Variants in TSHZ3 observed in about 807,000 individuals in gnomAD.
The protein encoded by TSHZ3 is teashirt zinc finger homeobox 3.
Under a neutral mutation model 64.5 loss-of-function variants are expected in TSHZ3, and 10 were observed. That is an observed-to-expected ratio of 0.16 (90% CI 0.10 to 0.26). TSHZ3 has a LOEUF of 0.26. Ranked by LOEUF, TSHZ3 falls within the 10% of genes least tolerant of loss-of-function variation. The probability of loss-of-function intolerance (pLI) is 1.00; values close to 1 mark genes in which losing one functional copy is unlikely to be tolerated. For synonymous variants in TSHZ3, 608 were observed against 593.1 expected (o/e 1.03, Z -0.36); for missense variants, 1,242 against 1,421.7 (o/e 0.87, Z 2.03).
At chr19:31,345,166 T>C (rs1917550501) in intron 1 of TSHZ3, among the ~76,000 whole-genome samples, 1 of 152,192 alleles carries the variant, frequency 6.6e-6, no homozygotes, top group African/African-American at 2.4e-5. Context: ...AGAATTTGCA[T>C]TGTTGCTCTC....
At chr19:31,281,219 AAAACCAACAACAACAAT>A (rs1032558498) in intron 1 of TSHZ3, among the ~76,000 whole-genome samples, 2 of 152,138 alleles carry the variant, frequency 1.3e-5, no homozygotes, top group African/African-American at 4.8e-5. Flanking sequence ...TTCACATCAG[AAAACCAACAACAACAAT>A]AAACAAACAA....
intron 1 of TSHZ3, among the ~76,000 whole-genome samples, chr19:31,334,377 C>T (rs1193529951): frequency 6.6e-6 from 1 of 152,212 alleles, no homozygotes; most frequent in Non-Finnish European, 1.5e-5. Context: ...CCCATCTTCT[C>T]CTCTGGCAAA....
chr19:31,201,320 G>A lies in TSHZ3; in HGVS notation n.809+3636C>T, dbSNP rs756971242. Among the ~76,000 whole-genome samples, 285 of 152,174 alleles carry A rather than the reference G, an allele frequency of 1.9e-3. 1 individual carries two copies. Among genetic ancestry groups the A allele is most frequent in the Non-Finnish European group, 1.1e-3 (76 of 68,000 alleles). On this transcript the variant is annotated intron_variant and non_coding_transcript_variant, in intron 5 of 6. Coordinates refer to the TSHZ3 transcript ENST00000651361. Reference sequence around the variant, plus strand: ...ATGACTTAAAAATATCAATCTCTTCGTGTTGATTAAATGTTCATGTTAAAT... The same window carrying A: ...ATGACTTAAAAATATCAATCTCTTCATGTTGATTAAATGTTCATGTTAAAT...
At chr19:31,252,421 A>T (rs1975855258) in intron 1 of TSHZ3, among the ~76,000 whole-genome samples, 1 of 152,134 alleles carries the variant, frequency 6.6e-6, no homozygotes, top group South Asian at 2.1e-4. Context: ...CAGACACTTG[A>T]TTCACTTATA....
At chr19:31,187,180 TG>T in intron 5 of TSHZ3, among the ~76,000 whole-genome samples, 1 of 152,250 alleles carries the variant, frequency 6.6e-6, no homozygotes, top group South Asian at 2.1e-4. Flanking sequence ...CCATAACCCC[TG>T]GGAACTAGTG....
At chr19:31,299,905 C>T (rs1229512557) in intron 1 of TSHZ3, among the ~76,000 whole-genome samples, 2 of 152,192 alleles carry the variant, frequency 1.3e-5, no homozygotes, top group Non-Finnish European at 2.9e-5. Context: ...AGCAAAGACA[C>T]TTGTCAAATG....
chr19:31,248,813 GGAAAAAGAAAAA>G (rs370965701), intron 1 of TSHZ3, among the ~76,000 whole-genome samples: 4 of 149,426 alleles, frequency 2.7e-5, no homozygotes, highest in African/African-American at 7.4e-5. Flanking sequence ...AGAAGAAGAA[GGAAAAAGAAAAA>G]GAAAAAGAAA....
At chr19:31,281,686 G>A (rs1418552954) in intron 1 of TSHZ3, among the ~76,000 whole-genome samples, 3 of 152,198 alleles carry the variant, frequency 2.0e-5, no homozygotes, top group Non-Finnish European at 2.9e-5. Context: ...GCCAATGGAG[G>A]CTCCTGTGCT....
rs1976316300 is a variant in TSHZ3, at chr19:31,279,262, C to T, written c.531G>A (p.Gln177=). The T allele has an allele frequency of 1.9e-6, 3 of 1,614,058 alleles. No individual in the cohort carries two copies. Among genetic ancestry groups the T allele is most frequent in the South Asian group, 1.1e-5 (1 of 91,088 alleles). ...WHQSAMAKTL[Q]QVSQSRMLPE... is the part of the protein sequence containing the mutation. ...GGAGCATGCGGCTCTGTGACACCTG[C>T]TGCAGCGTCTTAGCCATGGCGCTCT... The change falls in exon 2 of 2, where the codon CAG becomes CAA. Residue 177 remains glutamine (Q), a synonymous_variant. Coordinates refer to ENST00000240587, the MANE Select transcript of TSHZ3 (RefSeq NM_020856.4). The surrounding 1 kb of genome is among the most constrained non-coding windows in gnomAD (Gnocchi z 6.4).
At position 31,306,267 on chromosome 19, in the gene TSHZ3, C is replaced by A. The variant is rs145919645; in HGVS notation, c.41-26515G>T. Among the ~76,000 whole-genome samples, 48 of 152,234 alleles carry A rather than the reference C, an allele frequency of 3.2e-4. 1 individual carries two copies. The highest frequency in any genetic ancestry group is 1.1e-3 in the African/African-American group (47 of 41,526). ...GCTGGGCTGCGAGCTTCCTTCGGAG[C>A]GAGGACCACTACTGAGTGTGACAAA... On this transcript the variant is annotated intron_variant, in intron 1 of 1. Coordinates refer to ENST00000240587, the MANE Select transcript of TSHZ3 (RefSeq NM_020856.4).
intron 1 of TSHZ3, among the ~76,000 whole-genome samples, chr19:31,293,200 A>C (rs1164520274): frequency 6.6e-6 from 1 of 152,236 alleles, no homozygotes; most frequent in African/African-American, 2.4e-5. Context: ...TTAGACACTA[A>C]TTATATACTC....
intron 1 of TSHZ3, among the ~76,000 whole-genome samples, chr19:31,293,112 CCCATCCATCCAAAAAT>C (rs1568371610): frequency 1.3e-5 from 2 of 151,548 alleles, no homozygotes; most frequent in Non-Finnish European, 2.9e-5. Context: ...CAAAAACGTA[CCCATCCATCCAAAAAT>C]CCATCCATCC....
chr19:31,159,522 C>A (rs535533422), intron 5 of TSHZ3, among the ~76,000 whole-genome samples: 9 of 152,216 alleles, frequency 5.9e-5, no homozygotes, highest in African/African-American at 2.2e-4. Context: ...CTGTCTCTTT[C>A]CACCTTTTTA....
At chr19:31,203,911 T>C in intron 5 of TSHZ3, among the ~76,000 whole-genome samples, 1 of 151,960 alleles carries the variant, frequency 6.6e-6, no homozygotes, top group East Asian at 1.9e-4. Context: ...ACTGGGTAAT[T>C]TATAAAGGAA....
intron 1 of TSHZ3, among the ~76,000 whole-genome samples, chr19:31,344,255 T>C (rs1431011478): frequency 2.0e-5 from 3 of 152,218 alleles, no homozygotes; most frequent in African/African-American, 7.2e-5. Context: ...TGTTCCCTTC[T>C]GTCCTTTTCC....
chr19:31,312,733 C>G (rs1007350068), intron 1 of TSHZ3, among the ~76,000 whole-genome samples: 1 of 152,090 alleles, frequency 6.6e-6, no homozygotes, highest in African/African-American at 2.4e-5. Flanking sequence ...AAATTACTCC[C>G]TTGTCAGTTC....
At chr19:31,168,810 G>C (rs1974494171) in intron 5 of TSHZ3, among the ~76,000 whole-genome samples, 1 of 152,154 alleles carries the variant, frequency 6.6e-6, no homozygotes. Context: ...AGCTGGTCTT[G>C]AGCCCCGTAG....
intron 1 of TSHZ3, among the ~76,000 whole-genome samples, chr19:31,255,825 GC>G (rs1341531274): frequency 2.6e-5 from 4 of 152,160 alleles, no homozygotes; most frequent in East Asian, 1.9e-4. Flanking sequence ...AACCAGGTAA[GC>G]CCCCCCTTAC....
Position 31,349,279 on chromosome 19 carries a change from G to C in TSHZ3, c.-60C>G. 7.4e-7 allele frequency: 1 copy of C among 1,342,928 alleles called. No individual in the cohort carries two copies. The highest frequency in any genetic ancestry group is 3.1e-5 in the East Asian group (1 of 31,770). The allele number at this position is 1,342,928 out of a possible 1,614,324, so 83.2% of individuals were successfully genotyped here. A position where few individuals can be genotyped will look rare whatever the true frequency, so the allele number is the denominator to read the frequency against. ...CCGCCGCTGCCGGGCTGAGGACAGG[G>C]AGGGAGGGGGCGGCGGGCCCGCGGG... On this transcript the variant is annotated 5_prime_UTR_variant, in exon 1 of 2. Coordinates refer to ENST00000240587, the MANE Select transcript of TSHZ3 (RefSeq NM_020856.4).
Sources: gnomAD v4.1 joint callset for allele counts (sites outside exome capture counted in the v4.1 genomes callset) on GRCh38, gnomAD v4.1.1 for gene constraint, Gnocchi (gnomAD v3.1) non-coding constraint, MANE v1.5 for transcripts, NCBI Gene and HGNC (gene_info 2026-07-23, HGNC 2026-07-21) for gene names.